The following LTBP1 variants were observed in gnomAD, a reference collection of about 807,000 sequenced individuals.
LTBP1 encodes the protein latent transforming growth factor beta binding protein 1.
LTBP1 carries 129 observed loss-of-function variants against 207.6 expected under a neutral mutation model. That is an observed-to-expected ratio of 0.62 (90% confidence interval 0.54 to 0.72). The LOEUF is 0.72. LTBP1 is among the 30% of genes least tolerant of loss of function. LTBP1 has a pLI of 0.00. For synonymous variants in LTBP1, 963 were observed against 833.7 expected (o/e 1.16, Z -2.67); for missense variants, 2,281 against 2,217.2 (o/e 1.03, Z -0.58).
At chr2:33,185,065 G>A (rs1185184350) in intron 5 of LTBP1, among the ~76,000 whole-genome samples, 1 of 152,152 alleles carries the variant, frequency 6.6e-6, no homozygotes, top group East Asian at 1.9e-4. Flanking sequence ...GGTAGTTGAC[G>A]GAGGCCAGAT....
chr2:33,380,414 T>TAAA (rs147323558), intron 31 of LTBP1, among the ~76,000 whole-genome samples: 4 of 92,450 alleles, frequency 4.3e-5, no homozygotes, highest in African/African-American at 8.8e-5. Flanking sequence ...CTGTTTCTAC[T>TAAA]AAAAAAATAC....
At chr2:33,320,345 G>C (rs1246048178) in intron 24 of LTBP1, among the ~76,000 whole-genome samples, 1 of 150,742 alleles carries the variant, frequency 6.6e-6, no homozygotes, top group African/African-American at 2.5e-5. Context: ...CTCCACCCTG[G>C]TGACAGAGCA....
At chr2:32,949,041 G>T in intron 2 of LTBP1, 96 bp downstream of exon 2, 1 of 1,203,928 alleles carries the variant, frequency 8.3e-7, no homozygotes, top group South Asian at 1.2e-5. Context: ...GAAAGGGCTC[G>T]GGGGAAGTTG....
rs1284183313 is a variant in LTBP1, at chr2:33,095,275, C to A, written c.864-15307C>A. 2.6e-5 allele frequency among the ~76,000 whole-genome samples: 4 copies of A among 152,132 alleles called. No individual in the cohort carries two copies. The East Asian group carries it at 7.7e-4, about 29-fold the overall frequency. ...GCATTTGAGAGCAATAAAAAGCAGA[C>A]TGAAATTGGAGGGAAGTTAACTAAA... is the stretch of plus-strand genomic sequence containing the variant. On this transcript the variant is annotated intron_variant, in intron 3 of 33. Transcript: ENST00000404816.
At chr2:33,199,834 GACAA>G (rs1325540260) in intron 7 of LTBP1, among the ~76,000 whole-genome samples, 2 of 152,144 alleles carry the variant, frequency 1.3e-5, no homozygotes, top group East Asian at 1.9e-4. Context: ...ACCAATAACA[GACAA>G]ACAGAGAGCC....
At chr2:33,348,226 TC>T (rs1352794548) in intron 26 of LTBP1, among the ~76,000 whole-genome samples, 1 of 152,158 alleles carries the variant, frequency 6.6e-6, no homozygotes, top group Non-Finnish European at 1.5e-5. Context: ...TCTTTCTCAG[TC>T]AGTTTTATCC....
intron 7 of LTBP1, among the ~76,000 whole-genome samples, chr2:33,190,057 CA>C (rs2087679798): frequency 6.6e-6 from 1 of 152,030 alleles, no homozygotes; most frequent in African/African-American, 2.4e-5. Flanking sequence ...TCATAACTTG[CA>C]AGGTGTAGTG....
At chr2:33,174,433 G>A (rs962414972) in intron 5 of LTBP1, among the ~76,000 whole-genome samples, 5 of 152,078 alleles carry the variant, frequency 3.3e-5, no homozygotes, top group African/African-American at 1.2e-4. Context: ...AAAATACTTA[G>A]GAATCCAACT....
chr2:33,073,665 T>G (rs1158331163), intron 3 of LTBP1, among the ~76,000 whole-genome samples: 3 of 152,124 alleles, frequency 2.0e-5, no homozygotes, highest in African/African-American at 7.2e-5. Context: ...CTTGCTCTGT[T>G]GCCTATCCTG....
chr2:33,129,055 C>T (rs1261776840), intron 4 of LTBP1, among the ~76,000 whole-genome samples: 3 of 152,124 alleles, frequency 2.0e-5, no homozygotes. Context: ...CTGGAACAGC[C>T]TGGAACAGAG....
chr2:33,191,099 A>G (rs2087817933), intron 7 of LTBP1, among the ~76,000 whole-genome samples: 1 of 152,192 alleles, frequency 6.6e-6, no homozygotes, highest in Non-Finnish European at 1.5e-5. Context: ...GAGAAAGGAA[A>G]AAGCAGATCT....
intron 7 of LTBP1, among the ~76,000 whole-genome samples, chr2:33,203,444 T>C (rs2089541358): frequency 6.6e-6 from 1 of 152,184 alleles, no homozygotes; most frequent in Non-Finnish European, 1.5e-5. Context: ...TTCTTAGAAC[T>C]TCAGAGAATG....
chr2:33,242,466 G>C (rs911328644), intron 9 of LTBP1, among the ~76,000 whole-genome samples: 8 of 152,028 alleles, frequency 5.3e-5, no homozygotes, highest in Non-Finnish European at 8.8e-5. Context: ...GCTGCTACTG[G>C]GTATTTCTAC....
chr2:33,076,362 G>GGA (rs2078080484), intron 3 of LTBP1, among the ~76,000 whole-genome samples: 1 of 151,982 alleles, frequency 6.6e-6, no homozygotes. Flanking sequence ...AAGAGAGGAA[G>GGA]GAGAGGTCTC....
At position 32,988,844 on chromosome 2, in the gene LTBP1, G is replaced by A. The variant is rs970857365; in HGVS notation, c.566-32065G>A. ...GATAGGAATGTAATTATCCATATAG[G>A]ATTAAGAATAAACAAAATGGCACTT... On this transcript the variant is annotated intron_variant, in intron 2 of 33. Coordinates refer to ENST00000404816, the MANE Select transcript of LTBP1 (RefSeq NM_206943.4). Among the ~76,000 whole-genome samples, 4 of 152,110 alleles carry A rather than the reference G, an allele frequency of 2.6e-5. No homozygotes were observed. The East Asian group carries it at 7.7e-4, about 29-fold the overall frequency.
At chr2:33,111,110 T>C (rs1558650315) in intron 4 of LTBP1, among the ~76,000 whole-genome samples, 1 of 152,220 alleles carries the variant, frequency 6.6e-6, no homozygotes, top group Non-Finnish European at 1.5e-5. Context: ...GACTCATGCC[T>C]TGTGAAACGT....
chr2:33,198,725 CTG>C (rs2088854135), intron 7 of LTBP1, among the ~76,000 whole-genome samples: 1 of 152,196 alleles, frequency 6.6e-6, no homozygotes, highest in Admixed American at 6.5e-5. Context: ...GTTTGTATTT[CTG>C]TGGGATCGGT....
At chr2:33,161,826 G>A (rs1279028237) in intron 5 of LTBP1, among the ~76,000 whole-genome samples, 1 of 152,178 alleles carries the variant, frequency 6.6e-6, no homozygotes, top group East Asian at 1.9e-4. Context: ...TTTTATTGAT[G>A]ATCAGTCTTA....
At chr2:33,135,101 A>T (rs531034910) in intron 5 of LTBP1, 141 bp downstream of exon 5, 5 of 882,718 alleles carry the variant, frequency 5.7e-6, no homozygotes, top group African/African-American at 3.4e-5. Flanking sequence ...CTTTCATGGG[A>T]TCTTTTAAAT....
Sources: allele counts gnomAD v4.1 joint callset (sites outside exome capture counted in the v4.1 genomes callset), GRCh38; gene constraint gnomAD v4.1.1; transcripts MANE v1.5; gene names NCBI Gene and HGNC (gene_info 2026-07-23, HGNC 2026-07-21).